Variants in CEP63 observed in about 807,000 individuals in gnomAD.
The protein encoded by CEP63 is centrosomal protein of 63 kDa.
Under a neutral mutation model 89.1 loss-of-function variants are expected in CEP63, and 84 were observed. That is an observed-to-expected ratio of 0.94 (90% CI 0.79 to 1.13). The LOEUF (loss-of-function observed/expected upper bound fraction) is 1.13. CEP63 is among the 50% of genes most tolerant of loss of function. The pLI, the probability that CEP63 is intolerant of heterozygous loss-of-function variation, is 0.00. For missense variants in CEP63, 838 were observed against 813.3 expected, an observed-to-expected ratio of 1.03 and a Z score of -0.37; for synonymous variants, 267 against 272.5, an observed-to-expected ratio of 0.98 and a Z score of 0.20.
the CEP63 span, among the ~76,000 whole-genome samples, chr3:134,781,415 G>T: frequency 6.6e-6 from 1 of 152,146 alleles, no homozygotes; most frequent in South Asian, 2.1e-4. Flanking sequence ...TTTGTTCCAA[G>T]ATATATTAGA....
chr3:134,550,976 A>T (rs1954697926), intron 11 of CEP63, among the ~76,000 whole-genome samples: 1 of 152,202 alleles, frequency 6.6e-6, no homozygotes, highest in South Asian at 2.1e-4. Flanking sequence ...TGAGGTAGGC[A>T]GAGTTAAGGA....
At chr3:134,637,357 T>C in the CEP63 span, among the ~76,000 whole-genome samples, 1 of 152,222 alleles carries the variant, frequency 6.6e-6, no homozygotes, top group Non-Finnish European at 1.5e-5. Context: ...TCAAACCCTC[T>C]GAGGTGTCTT....
At chr3:134,718,968 G>C in the CEP63 span, among the ~76,000 whole-genome samples, 2 of 152,186 alleles carry the variant, frequency 1.3e-5, no homozygotes, top group African/African-American at 4.8e-5. Flanking sequence ...AACAGTTGTA[G>C]AGAAGCCAGG....
chr3:134,612,134 T>C, the CEP63 span, among the ~76,000 whole-genome samples: 95,423 of 152,030 alleles, frequency 0.63, 30,414 homozygotes, highest in East Asian at 0.87. Context: ...GGAAGTTTTC[T>C]AGCCCCCGCC....
Position 134,562,618 on chromosome 3 carries a change from T to G in CEP63, c.*1083T>G, listed in dbSNP as rs1344623224. ...CCAAACACTTCTGGAAAGAGTTGTCTGCAGTGACTCTTTCCAGTTCCTCAC... is the reference window on the plus strand; with the variant it reads ...CCAAACACTTCTGGAAAGAGTTGTCGGCAGTGACTCTTTCCAGTTCCTCAC... On this transcript the variant is annotated 3_prime_UTR_variant, in exon 15 of 15. Transcript: ENST00000675561. 2.0e-5 allele frequency: 3 copies of G among 152,206 alleles called. No individual in the cohort carries two copies. The East Asian group carries it at 5.8e-4, about 29-fold the overall frequency. The allele number at this position is 152,206 out of a possible 1,614,324, so 9.4% of individuals were successfully genotyped here.
At chr3:134,531,460 G>C (rs1291270053) in intron 3 of CEP63, among the ~76,000 whole-genome samples, 1 of 152,140 alleles carries the variant, frequency 6.6e-6, no homozygotes, top group African/African-American at 2.4e-5. Flanking sequence ...GCATGCGCCT[G>C]TAATCCCAGC....
chr3:134,643,207 A>C, the CEP63 span: 6 of 976,454 alleles, frequency 6.1e-6, no homozygotes, highest in Non-Finnish European at 9.4e-6. Context: ...AGCAGAGAGG[A>C]CCCTGCTCCC....
chr3:134,624,476 T>G, the CEP63 span, among the ~76,000 whole-genome samples: 1 of 152,230 alleles, frequency 6.6e-6, no homozygotes, highest in Non-Finnish European at 1.5e-5. Context: ...ACCTTGTTCC[T>G]CCTATCAGAC....
the CEP63 span, among the ~76,000 whole-genome samples, chr3:134,701,482 A>G: frequency 1.3e-4 from 19 of 148,306 alleles, 1 homozygote; most frequent in East Asian, 2.4e-3. Flanking sequence ...ACACACATAT[A>G]TATATACATA....
At chr3:134,566,448 A>T (rs1040942752), downstream of CEP63, among the ~76,000 whole-genome samples, 1 of 152,200 alleles carries the variant, frequency 6.6e-6, no homozygotes, top group African/African-American at 2.4e-5. Flanking sequence ...ATTAAAAACC[A>T]TAGCTTTAGG....
At chr3:134,603,741 C>A in the CEP63 span, 4 of 1,612,444 alleles carry the variant, frequency 2.5e-6, no homozygotes, top group South Asian at 4.4e-5. Flanking sequence ...GCCCCTTCAC[C>A]AGGACTTTGG....
the CEP63 span, among the ~76,000 whole-genome samples, chr3:134,734,345 G>A: frequency 2.6e-5 from 4 of 152,102 alleles, no homozygotes; most frequent in Admixed American, 2.0e-4. Context: ...AGACTCCAGG[G>A]CATTATGTTA....
chr3:134,733,598 G>A, the CEP63 span, among the ~76,000 whole-genome samples: 1 of 152,120 alleles, frequency 6.6e-6, no homozygotes, highest in African/African-American at 2.4e-5. Context: ...AAAAAGGAGA[G>A]GCACAGAGAC....
chr3:134,559,765 A>G (rs189988683), intron 14 of CEP63, among the ~76,000 whole-genome samples: 3 of 152,320 alleles, frequency 2.0e-5, no homozygotes. Context: ...GTCCTGAGGC[A>G]CAGGCAGTGA....
At chr3:134,561,280 CT>C (rs1275757953) in intron 14 of CEP63, 96 bp from the exon 15 acceptor site, 2 of 1,262,622 alleles carry the variant, frequency 1.6e-6, no homozygotes, top group Non-Finnish European at 2.3e-6. Context: ...AAAAAATCAC[CT>C]TTTAATATTG....
At chr3:134,527,583 A>G (rs558444116) in intron 3 of CEP63, among the ~76,000 whole-genome samples, 3 of 152,206 alleles carry the variant, frequency 2.0e-5, no homozygotes, top group African/African-American at 4.8e-5. Flanking sequence ...ACCTGCCGGC[A>G]TAGGCACATG....
the CEP63 span, among the ~76,000 whole-genome samples, chr3:134,650,652 G>T: frequency 6.6e-6 from 1 of 152,186 alleles, no homozygotes; most frequent in African/African-American, 2.4e-5. Flanking sequence ...GGGACTGCGC[G>T]TTGCCACGGG....
At chr3:134,620,919 A>G in the CEP63 span, 12 of 965,852 alleles carry the variant, frequency 1.2e-5, no homozygotes, top group African/African-American at 1.4e-4. Context: ...GGGGCCCAGC[A>G]TCTTGCACCT....
the CEP63 span, among the ~76,000 whole-genome samples, chr3:134,757,235 T>C: frequency 6.6e-6 from 1 of 152,124 alleles, no homozygotes; most frequent in South Asian, 2.1e-4. Context: ...AGCACCAGGG[T>C]TTGTGGCTGA....
Sources: allele counts gnomAD v4.1 joint callset (sites outside exome capture counted in the v4.1 genomes callset), GRCh38; gene constraint gnomAD v4.1.1; transcripts MANE v1.5; gene names NCBI Gene and HGNC (gene_info 2026-07-23, HGNC 2026-07-21).